The following ASH1L variants were observed in gnomAD, a reference collection of about 807,000 sequenced individuals.
ASH1L encodes histone-lysine N-methyltransferase ASH1L.
ASH1L carries 23 observed loss-of-function variants against 269.0 expected under a neutral mutation model. The observed-to-expected ratio is 0.09, with a 90% CI of 0.06 to 0.12. The LOEUF (loss-of-function observed/expected upper bound fraction) is 0.12, where lower values mean the gene tolerates loss of function less well. ASH1L is among the 10% of genes least tolerant of loss of function. The pLI is 1.00. For synonymous variants in ASH1L, 1,187 were observed against 1,253.5 expected, an observed-to-expected ratio of 0.95 and a Z score of 1.12; for missense variants, 2,912 against 3,567.8, an observed-to-expected ratio of 0.82 and a Z score of 4.68.
At chr1:155,362,629 G>A (rs925953318) in intron 12 of ASH1L, among the ~76,000 whole-genome samples, 2 of 151,922 alleles carry the variant, frequency 1.3e-5, no homozygotes, top group African/African-American at 4.8e-5. Context: ...TTGACATTGT[G>A]GCTTCAAAAT....
chr1:155,519,636 T>C (rs1466638867), intron 2 of ASH1L, among the ~76,000 whole-genome samples: 1 of 151,942 alleles, frequency 6.6e-6, no homozygotes, highest in Non-Finnish European at 1.5e-5. Flanking sequence ...GATAGGCAAA[T>C]TTATAGTTGC....
intron 1 of ASH1L, among the ~76,000 whole-genome samples, chr1:155,536,265 C>T (rs180992367): frequency 1.3e-5 from 2 of 152,092 alleles, no homozygotes; most frequent in African/African-American, 4.8e-5. Context: ...TGAATGAGTA[C>T]GCAGACTGAG....
intron 6 of ASH1L, among the ~76,000 whole-genome samples, chr1:155,403,058 G>A (rs1484981084): frequency 6.6e-6 from 1 of 151,550 alleles, no homozygotes; most frequent in African/African-American, 2.4e-5. Context: ...GGTAGCGCAC[G>A]CCTGTAATCC....
chr1:155,412,925 G>T (rs1243528274), intron 6 of ASH1L, among the ~76,000 whole-genome samples: 6 of 151,378 alleles, frequency 4.0e-5, no homozygotes, highest in Admixed American at 2.6e-4. Context: ...TGAAAAAAAT[G>T]GTTTTTTTTA....
rs531117844 is a variant in ASH1L, at chr1:155,512,605, C to T, written c.420+8495G>A. Among the ~76,000 whole-genome samples the T allele has an allele frequency of 1.7e-4, 26 of 151,612 alleles. 1 individual carries two copies. The highest frequency in any genetic ancestry group is 5.3e-4 in the African/African-American group (22 of 41,440). On this transcript the variant is annotated intron_variant, in intron 2 of 27. Coordinates refer to ENST00000392403, the MANE Select transcript of ASH1L (RefSeq NM_018489.3). ...TAGCTGGGGGTATAGGTGCTCACCACCACACCCAGCTAATTTTTGTATTTT... is the reference window on the plus strand; with the variant it reads ...TAGCTGGGGGTATAGGTGCTCACCATCACACCCAGCTAATTTTTGTATTTT...
intron 5 of ASH1L, among the ~76,000 whole-genome samples, chr1:155,422,990 C>T (rs141982025): frequency 0.011 from 1,523 of 137,726 alleles, 29 homozygotes; most frequent in African/African-American, 0.039. Flanking sequence ...CTTTGTTGCC[C>T]AGGCTGGAGT....
At chr1:155,372,292 AGTTT>A (rs1656026694) in intron 10 of ASH1L, among the ~76,000 whole-genome samples, 1 of 132,792 alleles carries the variant, frequency 7.5e-6, no homozygotes, top group African/African-American at 2.7e-5. Flanking sequence ...GTGCCCAGCC[AGTTT>A]TTTTTTTTTT....
intron 2 of ASH1L, among the ~76,000 whole-genome samples, chr1:155,519,544 C>A (rs1192262368): frequency 6.6e-6 from 1 of 152,128 alleles, no homozygotes; most frequent in Admixed American, 6.5e-5. Context: ...CATGGTTGCA[C>A]CTTGAGGACA....
intron 25 of ASH1L, among the ~76,000 whole-genome samples, chr1:155,341,396 T>C (rs1026263584): frequency 3.9e-5 from 6 of 152,148 alleles, no homozygotes; most frequent in Admixed American, 6.5e-5. Flanking sequence ...CAGGATGGTC[T>C]TGATCTCCTG....
At chr1:155,372,981 G>A in intron 10 of ASH1L, among the ~76,000 whole-genome samples, 1 of 152,068 alleles carries the variant, frequency 6.6e-6, no homozygotes, top group Non-Finnish European at 1.5e-5. Context: ...AGGGGGCAGA[G>A]GCAGGAGGAT....
chr1:155,370,244 T>C lies in ASH1L; in HGVS notation c.6686+260A>G, dbSNP rs1655819621. On this transcript the variant is annotated intron_variant, in intron 12 of 27. Coordinates refer to ENST00000392403, the MANE Select transcript of ASH1L (RefSeq NM_018489.3). ...TTATATTTTTCTAGGACATAGATCC[T>C]GAAACTACTTGCATGCCAAACAAAA... is the stretch of plus-strand genomic sequence containing the variant. The C allele has an allele frequency of 6.1e-6, 3 of 492,272 alleles. No individual in the cohort carries two copies. The East Asian group carries it at 1.0e-4, about 17-fold the overall frequency. The allele number at this position is 492,272 out of a possible 1,614,324, so 30.5% of individuals were successfully genotyped here.
chr1:155,367,130 A>ATT (rs947118582), intron 12 of ASH1L, among the ~76,000 whole-genome samples: 15 of 151,032 alleles, frequency 9.9e-5, no homozygotes, highest in Admixed American at 8.7e-4. Flanking sequence ...AGTAGCTGGG[A>ATT]CTACAGGTGC....
intron 3 of ASH1L, among the ~76,000 whole-genome samples, chr1:155,470,246 G>A (rs1664997446): frequency 6.6e-6 from 1 of 151,932 alleles, no homozygotes; most frequent in African/African-American, 2.4e-5. Flanking sequence ...ATCACCATAG[G>A]TCAGGAGTTC....
intron 7 of ASH1L, among the ~76,000 whole-genome samples, chr1:155,392,488 C>G (rs527616840): frequency 6.6e-6 from 1 of 151,972 alleles, no homozygotes; most frequent in Non-Finnish European, 1.5e-5. Context: ...GCATTTTTTT[C>G]TTATTTATTT....
chr1:155,489,717 C>G (rs1376065444), intron 2 of ASH1L, among the ~76,000 whole-genome samples: 1 of 151,354 alleles, frequency 6.6e-6, no homozygotes, highest in African/African-American at 2.4e-5. Context: ...GACATTGCAC[C>G]ACTGCACTCC....
intron 25 of ASH1L, among the ~76,000 whole-genome samples, chr1:155,341,180 T>C (rs189117716): frequency 0.019 from 2,673 of 140,836 alleles, 40 homozygotes; most frequent in Middle Eastern, 0.047. Flanking sequence ...ATGTTCACAA[T>C]TTTTTTTTTT....
chr1:155,555,774 G>C (rs1450743030), intron 1 of ASH1L, among the ~76,000 whole-genome samples: 1 of 152,184 alleles, frequency 6.6e-6, no homozygotes, highest in Non-Finnish European at 1.5e-5. Context: ...ATATGGATTA[G>C]AAGTAGATGG....
At chr1:155,467,445 G>C (rs987578247) in intron 3 of ASH1L, among the ~76,000 whole-genome samples, 1 of 152,156 alleles carries the variant, frequency 6.6e-6, no homozygotes, top group Non-Finnish European at 1.5e-5. Context: ...GTACAGAACA[G>C]TATATGTTAG....
At chr1:155,356,945 A>AC (rs2148368733) in intron 15 of ASH1L, among the ~76,000 whole-genome samples, 1 of 149,694 alleles carries the variant, frequency 6.7e-6, no homozygotes, top group Admixed American at 6.7e-5. Context: ...AAAAAAAAAA[A>AC]ATTAGCCAGG....
Sources: gnomAD v4.1 joint callset for allele counts (sites outside exome capture counted in the v4.1 genomes callset) on GRCh38, gnomAD v4.1.1 for gene constraint, MANE v1.5 for transcripts, NCBI Gene and HGNC (gene_info 2026-07-23, HGNC 2026-07-21) for gene names.